The following PRDM16 variants were observed in gnomAD, a reference collection of about 807,000 sequenced individuals.
PRDM16 encodes the protein histone-lysine N-methyltransferase PRDM16.
Under a neutral mutation model 110.6 loss-of-function variants are expected in PRDM16, and 23 were observed. That is an observed-to-expected ratio of 0.21 (90% CI 0.15 to 0.29). The LOEUF is 0.29. PRDM16 is among the 10% of genes least tolerant of loss of function. PRDM16 has a pLI of 1.00. For synonymous variants in PRDM16, 799 were observed against 781.8 expected (o/e 1.02, Z -0.37); for missense variants, 1,615 against 1,794.3 (o/e 0.90, Z 1.81).
chr1:3,099,765 A>T (rs1055451071), intron 1 of PRDM16, among the ~76,000 whole-genome samples: 13 of 152,294 alleles, frequency 8.5e-5, no homozygotes, highest in Non-Finnish European at 1.5e-4. Context: ...AGCATCAGAG[A>T]CCGTTTAAGA....
intron 3 of PRDM16, among the ~76,000 whole-genome samples, chr1:3,301,020 G>A (rs1291890283): frequency 6.6e-6 from 1 of 152,154 alleles, no homozygotes; most frequent in Non-Finnish European, 1.5e-5. Context: ...CACCAAACCT[G>A]ACATGAAGTG....
chr1:3,249,445 C>T (rs772692978), intron 3 of PRDM16, among the ~76,000 whole-genome samples: 3 of 151,808 alleles, frequency 2.0e-5, no homozygotes, highest in Non-Finnish European at 4.4e-5. Flanking sequence ...GAGGTTCAGA[C>T]CGCCTTTTCC....
At chr1:3,132,102 TA>T (rs1476526378) in intron 1 of PRDM16, among the ~76,000 whole-genome samples, 2 of 152,112 alleles carry the variant, frequency 1.3e-5, no homozygotes, top group Admixed American at 6.5e-5. Context: ...AATGGGGCAT[TA>T]GGGGCACTTT....
At chr1:3,342,106 C>T (rs1186609667) in intron 3 of PRDM16, among the ~76,000 whole-genome samples, 1 of 152,150 alleles carries the variant, frequency 6.6e-6, no homozygotes, top group Non-Finnish European at 1.5e-5. Flanking sequence ...CCAGGGTGCA[C>T]GATGGCCTCT....
chr1:3,294,416 C>G (rs950607932), intron 3 of PRDM16, among the ~76,000 whole-genome samples: 4 of 152,116 alleles, frequency 2.6e-5, no homozygotes, highest in African/African-American at 9.7e-5. Flanking sequence ...AGGGTTTTCT[C>G]TTCCAAAGGG....
chr1:3,112,640 C>T (rs938753302), intron 1 of PRDM16, among the ~76,000 whole-genome samples: 1 of 152,366 alleles, frequency 6.6e-6, no homozygotes, highest in South Asian at 2.1e-4. Flanking sequence ...TGTCCTCCAT[C>T]GCTGGTGCCC....
At chr1:3,196,445 G>C (rs1015310403) in intron 2 of PRDM16, among the ~76,000 whole-genome samples, 4 of 152,244 alleles carry the variant, frequency 2.6e-5, no homozygotes, top group Admixed American at 2.6e-4. Flanking sequence ...TTTGAAAGCA[G>C]GTCCCAAATG....
chr1:3,267,410 C>G (rs973458184), intron 3 of PRDM16, among the ~76,000 whole-genome samples: 3 of 152,186 alleles, frequency 2.0e-5, no homozygotes, highest in African/African-American at 4.8e-5. Flanking sequence ...TCTATCCACT[C>G]GTCCCTGACC....
intron 3 of PRDM16, among the ~76,000 whole-genome samples, chr1:3,269,289 C>T (rs1246175704): frequency 6.6e-6 from 1 of 151,368 alleles, no homozygotes; most frequent in Non-Finnish European, 1.5e-5. Context: ...AGAAGCGCAG[C>T]CCAGAGTAGG....
At chr1:3,072,585 G>A (rs1234683817) in intron 1 of PRDM16, among the ~76,000 whole-genome samples, 4 of 151,972 alleles carry the variant, frequency 2.6e-5, no homozygotes, top group Admixed American at 2.6e-4. Context: ...CGGGGCTGGC[G>A]GCCCAGTTCA....
intron 2 of PRDM16, among the ~76,000 whole-genome samples, chr1:3,222,344 G>A (rs573020597): frequency 6.6e-6 from 1 of 152,238 alleles, no homozygotes; most frequent in Admixed American, 6.5e-5. Flanking sequence ...TGAGCTGGAA[G>A]AACAAGCTGA....
chr1:3,212,366 C>T (rs1350760580), intron 2 of PRDM16, among the ~76,000 whole-genome samples: 2 of 152,148 alleles, frequency 1.3e-5, no homozygotes, highest in Non-Finnish European at 1.5e-5. Context: ...TGGCCCTGGC[C>T]TGAGTGGGCG....
At chr1:3,251,090 A>G (rs528406109) in intron 3 of PRDM16, among the ~76,000 whole-genome samples, 2 of 152,348 alleles carry the variant, frequency 1.3e-5, no homozygotes, top group African/African-American at 2.4e-5. Flanking sequence ...GGACACACTC[A>G]GACGCTGCCT....
intron 2 of PRDM16, among the ~76,000 whole-genome samples, chr1:3,194,753 A>G (rs1403755115): frequency 7.4e-6 from 1 of 134,276 alleles, no homozygotes; most frequent in Non-Finnish European, 1.5e-5. Context: ...ATCGCCACAC[A>G]TTAGGGCTTG....
In PRDM16 at chr1:3,090,289, G is replaced by A. The variant is rs540298648; in HGVS notation, c.37+20993G>A. 7.2e-5 allele frequency among the ~76,000 whole-genome samples: 11 copies of A among 152,338 alleles called. No individual in the cohort carries two copies. The East Asian group carries it at 1.9e-3, about 27-fold the overall frequency. ...CTTGACACTGAGGGCTGTGACTGCC[G>A]CTTTCCCGAAGCGCTTCCATCCACT... On this transcript the variant is annotated intron_variant, in intron 1 of 16. Transcript: ENST00000270722.
chr1:3,134,210 C>T (rs1006969100), intron 1 of PRDM16, among the ~76,000 whole-genome samples: 13 of 152,176 alleles, frequency 8.5e-5, no homozygotes, highest in Non-Finnish European at 1.2e-4. Flanking sequence ...GAAGCCTCTA[C>T]ACAGAGGCTC....
chr1:3,097,355 C>T (rs369561292), intron 1 of PRDM16, among the ~76,000 whole-genome samples: 1 of 152,228 alleles, frequency 6.6e-6, no homozygotes, highest in East Asian at 1.9e-4. Context: ...CTCCAAAGGA[C>T]CTGGTGGTGC....
intron 2 of PRDM16, among the ~76,000 whole-genome samples, chr1:3,212,595 T>C (rs1638914451): frequency 2.7e-5 from 4 of 147,104 alleles, no homozygotes; most frequent in African/African-American, 7.6e-5. Context: ...AGGCCCCCGC[T>C]CATCCTCCCG....
At chr1:3,387,421 A>T (rs1041058494) in intron 4 of PRDM16, among the ~76,000 whole-genome samples, 1 of 152,178 alleles carries the variant, frequency 6.6e-6, no homozygotes, top group Non-Finnish European at 1.5e-5. Context: ...CAAATGCAAC[A>T]CCAAAATGGC....
Sources: gnomAD v4.1 joint callset for allele counts (sites outside exome capture counted in the v4.1 genomes callset) on GRCh38, gnomAD v4.1.1 for gene constraint, MANE v1.5 for transcripts, NCBI Gene and HGNC (gene_info 2026-07-23, HGNC 2026-07-21) for gene names.